The following UBE3A variants were observed in gnomAD, a reference collection of about 807,000 sequenced individuals.
UBE3A encodes ubiquitin-protein ligase E3A.
A neutral mutation model predicts 83.4 loss-of-function variants in UBE3A; 6 were observed. The ratio of observed to expected loss-of-function variants is 0.07; its 90% CI spans 0.04 to 0.14. The LOEUF is 0.14. Ranked by LOEUF, UBE3A falls within the 10% of genes least tolerant of loss-of-function variation. The pLI is 1.00. For missense variants in UBE3A, 456 were observed against 1,036.1 expected, an observed-to-expected ratio of 0.44 and a Z score of 7.69; for synonymous variants, 337 against 355.4, an observed-to-expected ratio of 0.95 and a Z score of 0.58.
chr15:25,398,786 T>TATATAG (rs2086269968), intron 4 of UBE3A, among the ~76,000 whole-genome samples: 1 of 37,768 alleles, frequency 2.6e-5, no homozygotes, highest in Non-Finnish European at 5.1e-5. Flanking sequence ...TATATATATA[T>TATATAG]ATATATATAT....
At chr15:25,423,641 T>G (rs1890466672) in intron 1 of UBE3A, among the ~76,000 whole-genome samples, 1 of 152,118 alleles carries the variant, frequency 6.6e-6, no homozygotes, top group Admixed American at 6.6e-5. Flanking sequence ...AAGGCCTAAT[T>G]TATTATATTT....
intron 4 of UBE3A, among the ~76,000 whole-genome samples, chr15:25,376,395 C>T (rs2081226155): frequency 2.6e-5 from 4 of 152,082 alleles, no homozygotes; most frequent in Admixed American, 6.6e-5. Flanking sequence ...GTAATCAATC[C>T]CATAACTGTG....
chr15:25,391,854 T>C (rs1470649007), intron 4 of UBE3A: 3 of 152,236 alleles, frequency 2.0e-5, no homozygotes, highest in Admixed American at 6.5e-5. Flanking sequence ...CCTGTAGACA[T>C]GGGAAGCAGC....
chr15:25,426,415 C>A (rs1891336328), intron 1 of UBE3A, among the ~76,000 whole-genome samples: 1 of 152,154 alleles, frequency 6.6e-6, no homozygotes, highest in Admixed American at 6.6e-5. Context: ...TAGCGCCTAG[C>A]CTAAAATTAA....
At chr15:25,391,004 A>G (rs1182833834) in intron 4 of UBE3A, among the ~76,000 whole-genome samples, 2 of 152,154 alleles carry the variant, frequency 1.3e-5, no homozygotes, top group African/African-American at 2.4e-5. Context: ...ACCTGGGTAT[A>G]CTTCCAAATA....
At chr15:25,422,984 T>A (rs769349000) in intron 1 of UBE3A, among the ~76,000 whole-genome samples, 385 of 152,102 alleles carry the variant, frequency 2.5e-3, no homozygotes, top group Non-Finnish European at 4.6e-3. Context: ...TGAGATCCTA[T>A]CTCTAAAAAG....
chr15:25,343,670 C>CA (rs1199392520), intron 11 of UBE3A, among the ~76,000 whole-genome samples: 5 of 151,618 alleles, frequency 3.3e-5, no homozygotes, highest in African/African-American at 7.3e-5. Flanking sequence ...TTTCATTTGG[C>CA]AAAAAAATCC....
At chr15:25,368,202 G>A (rs1008040568) in intron 6 of UBE3A, among the ~76,000 whole-genome samples, 6 of 152,104 alleles carry the variant, frequency 3.9e-5, no homozygotes, top group African/African-American at 1.4e-4. Context: ...TTTCATATGA[G>A]AGAATAATCT....
intron 6 of UBE3A, among the ~76,000 whole-genome samples, chr15:25,365,012 CAG>C (rs1484521126): frequency 6.6e-6 from 1 of 152,102 alleles, no homozygotes; most frequent in African/African-American, 2.4e-5. Context: ...TAGCAACAGA[CAG>C]AGATTACTGG....
chr15:25,378,505 T>G (rs763581145), intron 4 of UBE3A, among the ~76,000 whole-genome samples: 2 of 152,158 alleles, frequency 1.3e-5, no homozygotes, highest in Non-Finnish European at 2.9e-5. Flanking sequence ...GCGGGGCACT[T>G]TGACATGGGT....
At chr15:25,366,577 T>C (rs2079136081) in intron 6 of UBE3A, among the ~76,000 whole-genome samples, 1 of 152,186 alleles carries the variant, frequency 6.6e-6, no homozygotes, top group Non-Finnish European at 1.5e-5. Context: ...CCATTCCTTT[T>C]GGTTTTTAGA....
chr15:25,360,584 A>C, intron 6 of UBE3A, 57 bp from the exon 7 acceptor site: 1 of 1,583,838 alleles, frequency 6.3e-7, no homozygotes, highest in South Asian at 1.1e-5. Flanking sequence ...CAGGAAAAAA[A>C]CAAAATAAAA....
chr15:25,356,987 TATA>T (rs1468948581), intron 7 of UBE3A, 91 bp from the exon 8 acceptor site: 1 of 1,087,408 alleles, frequency 9.2e-7, no homozygotes, highest in Non-Finnish European at 1.3e-6. Flanking sequence ...TAATTATGCA[TATA>T]AAACATTTAA....
intron 4 of UBE3A, among the ~76,000 whole-genome samples, chr15:25,398,774 T>A: frequency 5.6e-5 from 1 of 17,970 alleles, no homozygotes; most frequent in East Asian, 6.0e-3. Flanking sequence ...CTTTTATTTA[T>A]ATATATATAT....
intron 9 of UBE3A, among the ~76,000 whole-genome samples, 155 bp downstream of exon 9, chr15:25,355,737 A>G (rs1333821131): frequency 6.6e-6 from 1 of 151,866 alleles, no homozygotes; most frequent in African/African-American, 2.4e-5. Flanking sequence ...ACTTATATCC[A>G]AGATTTAGAA....
At chr15:25,385,360 T>C (rs141895268) in intron 4 of UBE3A, among the ~76,000 whole-genome samples, 160 of 152,114 alleles carry the variant, frequency 1.1e-3, no homozygotes, top group African/African-American at 3.8e-3. Context: ...CCATCACTGA[T>C]CAGTAGGGAG....
intron 1 of UBE3A, among the ~76,000 whole-genome samples, chr15:25,436,246 C>T (rs1299689205): frequency 6.6e-6 from 1 of 152,158 alleles, no homozygotes; most frequent in Non-Finnish European, 1.5e-5. Flanking sequence ...CGAAAGATCA[C>T]TTCTAAAAGT....
intron 6 of UBE3A, among the ~76,000 whole-genome samples, chr15:25,361,013 G>T (rs777543310): frequency 2.0e-5 from 3 of 152,004 alleles, no homozygotes; most frequent in Admixed American, 1.3e-4. Context: ...GCAGTTTATG[G>T]TCTCTCACAG....
chr15:25,397,165 T>C (rs1260103062), intron 4 of UBE3A, among the ~76,000 whole-genome samples: 1 of 151,674 alleles, frequency 6.6e-6, no homozygotes, highest in East Asian at 2.0e-4. Flanking sequence ...GGTAGCAGCC[T>C]TGAAGGTTTA....
Sources: allele counts gnomAD v4.1 joint callset (sites outside exome capture counted in the v4.1 genomes callset), GRCh38; gene constraint gnomAD v4.1.1; transcripts MANE v1.5; gene names NCBI Gene and HGNC (gene_info 2026-07-23, HGNC 2026-07-21).